LRPAP1: variants seen among roughly 807,000 people sequenced by gnomAD.
LRPAP1 encodes the protein alpha-2-macroglobulin receptor-associated protein.
Under a neutral mutation model 39.9 loss-of-function variants are expected in LRPAP1, and 41 were observed. The observed-to-expected ratio is 1.03, with a 90% confidence interval of 0.80 to 1.33. LRPAP1 has a LOEUF of 1.33. LRPAP1 is among the 40% of genes most tolerant of loss of function. LRPAP1 has a pLI of 0.00. For synonymous variants in LRPAP1, 263 were observed against 212.7 expected (o/e 1.24, Z -2.06); for missense variants, 565 against 482.3 (o/e 1.17, Z -1.61).
chr4:3,514,634 G>T, intron 7 of LRPAP1, 118 bp downstream of exon 7: 1 of 1,320,268 alleles, frequency 7.6e-7, no homozygotes, highest in Non-Finnish European at 1.0e-6. Context: ...ACTCGGACAG[G>T]GAAGACAGCA....
chr4:3,522,493 C>T (rs1184518032), intron 2 of LRPAP1, among the ~76,000 whole-genome samples: 1 of 144,918 alleles, frequency 6.9e-6, no homozygotes, highest in Non-Finnish European at 1.5e-5. Flanking sequence ...GGAGGATGAA[C>T]ACGGCCCCAC....
rs933212583 is a variant in LRPAP1, at chr4:3,512,323, G to C, written c.*651C>G. On this transcript the variant is annotated 3_prime_UTR_variant, in exon 8 of 8. Transcript: ENST00000650182. ...TCCCTGAGCTGCAGAGGTGAGAGTT[G>C]AAAGACGCTGCCCCCAGGCCACAGT... 3 of 152,526 alleles carry C rather than the reference G, an allele frequency of 2.0e-5. No individual in the cohort carries two copies. Among genetic ancestry groups the C allele is most frequent in the East Asian group, 1.9e-4 (1 of 5,202 alleles). 9.4% of individuals were successfully genotyped at this position (152,526 alleles called of 1,614,324 possible). A position where few individuals can be genotyped will look rare whatever the true frequency, so the allele number is the denominator to read the frequency against.
intron 4 of LRPAP1, 148 bp from the exon 5 acceptor site, chr4:3,518,340 G>C: frequency 1.2e-6 from 1 of 851,162 alleles, no homozygotes; most frequent in Non-Finnish European, 1.7e-6. Flanking sequence ...CTGCAGCGCC[G>C]CAGAAACGAC....
rs867539372 is a variant in LRPAP1 at position 3,532,399 on chromosome 4, C to A, written c.14G>T (p.Arg5Met). 1 of 1,576,198 alleles carries A rather than the reference C, an allele frequency of 6.3e-7. No homozygotes were observed. The highest frequency in any genetic ancestry group is 8.6e-7 in the Non-Finnish European group (1 of 1,162,352). MAPR[R>M]VRSFLRGLPA... ...GAGCCCGCGCAGAAACGACCTGACC[C>A]TCCGCGGCGCCATCTTCCTCTGCGA... Residue 5 changes from arginine to methionine, a missense_variant, in exon 1 of 8, where the codon AGG becomes ATG. Coordinates refer to ENST00000650182, the MANE Select transcript of LRPAP1 (RefSeq NM_002337.4).
At chr4:3,516,632 A>G (rs1228129095) in intron 5 of LRPAP1, among the ~76,000 whole-genome samples, 1 of 152,224 alleles carries the variant, frequency 6.6e-6, no homozygotes, top group Non-Finnish European at 1.5e-5. Flanking sequence ...GGTCCTGCTC[A>G]GGGTCTCCAG....
intron 6 of LRPAP1, among the ~76,000 whole-genome samples, chr4:3,515,608 C>G (rs1577204287): frequency 6.6e-6 from 1 of 152,152 alleles, no homozygotes; most frequent in Admixed American, 6.5e-5. Flanking sequence ...ACCCAGGACC[C>G]CCGATGGACT....
At position 3,515,134 on chromosome 4, in the gene LRPAP1, A is replaced by G. The variant is rs376506145; in HGVS notation, c.835-206T>C. Among the ~76,000 whole-genome samples the G allele has an allele frequency of 1.6e-3, 245 of 152,262 alleles. 3 individuals are homozygous for G. The highest frequency in any genetic ancestry group is 5.5e-3 in the African/African-American group (230 of 41,558). On this transcript the variant is annotated intron_variant, in intron 6 of 7. Transcript: ENST00000650182. ...CAGCCCGCGCCTCCTTGGCAGCCCTAAGCCGACCCCTTCCCTGTCTCTGCA... is the reference window on the plus strand; with the variant it reads ...CAGCCCGCGCCTCCTTGGCAGCCCTGAGCCGACCCCTTCCCTGTCTCTGCA...
chr4:3,523,462 C>T (rs549105600), intron 2 of LRPAP1, among the ~76,000 whole-genome samples: 2 of 152,328 alleles, frequency 1.3e-5, no homozygotes, highest in African/African-American at 4.8e-5. Flanking sequence ...GGCCCTCTGT[C>T]TTTAACCCGG....
rs1345652301 is a variant in LRPAP1 at position 3,514,629 on chromosome 4, G to A, written c.1011+123C>T. 3.1e-6 allele frequency: 4 copies of A among 1,286,744 alleles called. No homozygotes were observed. The Admixed American group carries it at 1.0e-4, about 32-fold the overall frequency. The allele number at this position is 1,286,744 out of a possible 1,614,324, so 79.7% of individuals were successfully genotyped here. On this transcript the variant is annotated intron_variant, in intron 7 of 7. Coordinates refer to ENST00000650182, the MANE Select transcript of LRPAP1 (RefSeq NM_002337.4). ...ACTTGTGGCCCTGGGGTTCAACTCG[G>A]ACAGGGAAGACAGCAGCGTGGGGCC... is the stretch of plus-strand genomic sequence containing the variant.
At chr4:3,514,592 A>G (rs1729632879) in intron 7 of LRPAP1, among the ~76,000 whole-genome samples, 160 bp downstream of exon 7, 1 of 152,248 alleles carries the variant, frequency 6.6e-6, no homozygotes. Flanking sequence ...TGTGGCCTTC[A>G]GTGCCCCACA....
rs1367440174 is a variant in LRPAP1 at position 3,518,055 on chromosome 4, G to A, written c.730C>T (p.Gln244Ter). 3.1e-6 allele frequency: 5 copies of A among 1,611,010 alleles called. No individual in the cohort carries two copies. In the East Asian group the frequency reaches 8.9e-5, roughly 29 times the overall value. ...TCACCAGCCTCAGTGCTGTAGCCCT[G>A]GTGGCTGACCCTGCGCAGGCGGTCC... Reference protein sequence around the residue: ...GLDRLRRVSHQGYSTEAEFEE... With the variant: ...GLDRLRRVSH Residue 244 changes from glutamine (Q) to a stop codon, truncating the protein, a stop_gained, in exon 5 of 8, where the codon CAG becomes TAG. Transcript: ENST00000650182. LOFTEE classifies it high-confidence loss of function.
chr4:3,514,710 C>A (rs1358522579), intron 7 of LRPAP1, 42 bp downstream of exon 7: 4 of 1,558,560 alleles, frequency 2.6e-6, no homozygotes, highest in South Asian at 1.2e-5. Flanking sequence ...ATCTTTCCTG[C>A]AGGGGAACTG....
chr4:3,513,939 C>T (rs1201457432), intron 7 of LRPAP1, among the ~76,000 whole-genome samples: 4 of 152,258 alleles, frequency 2.6e-5, no homozygotes, highest in Admixed American at 6.5e-5. Context: ...CCCAACGGTG[C>T]GGGTGCCTCA....
intron 2 of LRPAP1, among the ~76,000 whole-genome samples, chr4:3,521,142 C>A (rs1729897263): frequency 6.6e-6 from 1 of 152,212 alleles, no homozygotes; most frequent in Non-Finnish European, 1.5e-5. Context: ...TGCAACCACA[C>A]CCGCCTCCTT....
At chr4:3,516,720 T>C (rs1730778) in intron 5 of LRPAP1, among the ~76,000 whole-genome samples, 56,219 of 152,118 alleles carry the variant, frequency 0.37, 10,778 homozygotes, top group South Asian at 0.52. Flanking sequence ...TCCTGGACCC[T>C]GGTGCTCACG....
Position 3,516,809 on chromosome 4 carries a change from A to G in LRPAP1, c.752-611T>C, listed in dbSNP as rs537079962. Among the ~76,000 whole-genome samples, 27 of 152,236 alleles carry G rather than the reference A, an allele frequency of 1.8e-4. No individual in the cohort carries two copies. The East Asian group carries it at 5.0e-3, about 28-fold the overall frequency. ...GTAGTCCAGAGCCGCCTGCCCATGG[A>G]GCCCCGCAACAGTGGCCCCTGCTCC... On this transcript the variant is annotated intron_variant, in intron 5 of 7. Coordinates refer to ENST00000650182, the MANE Select transcript of LRPAP1 (RefSeq NM_002337.4).
rs1258138908 is a variant in LRPAP1, at chr4:3,503,816, A to G, written c.*9158T>C. The G allele has an allele frequency of 6.6e-6, 1 of 152,280 alleles. No individual in the cohort carries two copies. Among genetic ancestry groups the G allele is most frequent in the Non-Finnish European group, 1.5e-5 (1 of 68,058 alleles). 9.4% of individuals were successfully genotyped at this position (152,280 alleles called of 1,614,324 possible). A position where few individuals can be genotyped will look rare whatever the true frequency, so the allele number is the denominator to read the frequency against. ...AGATGAACCATCACACTGAAAACACATGCTGCAGTAAATACTGAATTTCTC... is the reference window on the plus strand; with the variant it reads ...AGATGAACCATCACACTGAAAACACGTGCTGCAGTAAATACTGAATTTCTC... On this transcript the variant is annotated 3_prime_UTR_variant, in exon 8 of 8. Coordinates refer to ENST00000650182, the MANE Select transcript of LRPAP1 (RefSeq NM_002337.4).
Position 3,520,109 on chromosome 4 carries a change from C to G in LRPAP1, c.434G>C (p.Gly145Ala). 6.2e-7 allele frequency: 1 copy of G among 1,614,174 alleles called. No individual in the cohort carries two copies. ...CTTTTCCAGCCTGGGGTCATCCAGC[C>G]CGTCTTCCTGGGTGCCACTGAGGGA... ...SNSLSGTQED[G>A]LDDPRLEKLW... Residue 145 changes from glycine to alanine, a missense_variant, in exon 3 of 8, where the codon GGG becomes GCG. By Grantham distance (60) the Gly-to-Ala change is moderately conservative. Transcript: ENST00000650182.
chr4:3,523,865 G>A (rs541473673), intron 2 of LRPAP1, among the ~76,000 whole-genome samples: 7 of 152,194 alleles, frequency 4.6e-5, no homozygotes, highest in Non-Finnish European at 8.8e-5. Context: ...CACCACAGTG[G>A]GGAGTATCCC....
Sources: allele counts gnomAD v4.1 joint callset (sites outside exome capture counted in the v4.1 genomes callset), GRCh38; gene constraint gnomAD v4.1.1; transcripts MANE v1.5; gene names NCBI Gene and HGNC (gene_info 2026-07-23, HGNC 2026-07-21).